PTPRD: variants seen among roughly 807,000 people sequenced by gnomAD.
PTPRD encodes the protein receptor-type tyrosine-protein phosphatase delta.
In PTPRD, 34 loss-of-function variants were observed where a neutral mutation model predicts 214.5. The observed-to-expected ratio is 0.16, with a 90% CI of 0.12 to 0.21. The LOEUF is 0.21. Among genes scored for constraint, PTPRD ranks in the 10% least tolerant of loss-of-function variants. PTPRD has a pLI of 1.00. For synonymous variants in PTPRD, 1,128 were observed against 845.7 expected (o/e 1.33, Z -5.79); for missense variants, 2,545 against 2,398.7 (o/e 1.06, Z -1.27).
chr9:8,556,007 G>T (rs1246769880), intron 14 of PTPRD, among the ~76,000 whole-genome samples: 1 of 152,162 alleles, frequency 6.6e-6, no homozygotes. Flanking sequence ...TGTAAAAAAT[G>T]TGTCTTGGCG....
chr9:10,362,406 C>T (rs966877011), intron 2 of PTPRD, among the ~76,000 whole-genome samples: 11 of 150,848 alleles, frequency 7.3e-5, no homozygotes, highest in Non-Finnish European at 1.6e-4. Context: ...AGTCTGGCTC[C>T]AGTATATCAA....
intron 12 of PTPRD, among the ~76,000 whole-genome samples, chr9:8,694,202 T>G (rs959801394): frequency 2.0e-5 from 3 of 152,144 alleles, no homozygotes; most frequent in Admixed American, 6.5e-5. Context: ...AAATAAATAA[T>G]TTTCTGGGAA....
chr9:10,279,117 C>A (rs185064396), intron 3 of PTPRD, among the ~76,000 whole-genome samples: 1 of 152,144 alleles, frequency 6.6e-6, no homozygotes, highest in African/African-American at 2.4e-5. Flanking sequence ...CCTCAATCCT[C>A]ACTTCTCTTT....
chr9:10,310,097 C>T (rs1024807699), intron 3 of PTPRD, among the ~76,000 whole-genome samples: 1 of 152,076 alleles, frequency 6.6e-6, no homozygotes, highest in Non-Finnish European at 1.5e-5. Flanking sequence ...CAATTACTCT[C>T]TTTTTGGACA....
intron 12 of PTPRD, among the ~76,000 whole-genome samples, chr9:8,710,545 G>T (rs1409203086): frequency 6.6e-6 from 1 of 152,126 alleles, no homozygotes; most frequent in Non-Finnish European, 1.5e-5. Context: ...GAGCCCAACA[G>T]GTCGAGGCTG....
chr9:9,583,889 T>G (rs1195451396), intron 7 of PTPRD, among the ~76,000 whole-genome samples: 1 of 152,064 alleles, frequency 6.6e-6, no homozygotes, highest in Non-Finnish European at 1.5e-5. Flanking sequence ...CTTTCTATCT[T>G]ACTCGCCATG....
At chr9:9,337,016 T>C (rs2044783269) in intron 9 of PTPRD, among the ~76,000 whole-genome samples, 1 of 152,114 alleles carries the variant, frequency 6.6e-6, no homozygotes, top group African/African-American at 2.4e-5. Flanking sequence ...ATTTAAAAAT[T>C]TTTAAAAGCA....
intron 10 of PTPRD, among the ~76,000 whole-genome samples, chr9:9,039,981 A>T (rs1247573408): frequency 1.2e-4 from 18 of 149,374 alleles, no homozygotes; most frequent in Admixed American, 1.3e-4. Context: ...CTTCCTGTGC[A>T]TTTTTTTTTT....
chr9:8,675,051 T>C (rs973834153), intron 12 of PTPRD, among the ~76,000 whole-genome samples: 5 of 152,162 alleles, frequency 3.3e-5, no homozygotes, highest in Non-Finnish European at 7.3e-5. Flanking sequence ...TAAATACATG[T>C]CAACATCCAC....
intron 27 of PTPRD, among the ~76,000 whole-genome samples, chr9:8,489,426 G>A (rs2097103704): frequency 6.6e-6 from 1 of 152,140 alleles, no homozygotes; most frequent in South Asian, 2.1e-4. Context: ...ACCCACAACA[G>A]TCATTCCTTC....
intron 3 of PTPRD, among the ~76,000 whole-genome samples, chr9:10,250,953 C>T (rs1203671135): frequency 6.6e-6 from 1 of 151,814 alleles, no homozygotes; most frequent in Non-Finnish European, 1.5e-5. Flanking sequence ...ATATGCCATA[C>T]CAAAATTCAG....
At chr9:8,468,046 T>C (rs2134657660) in intron 31 of PTPRD, among the ~76,000 whole-genome samples, 1 of 152,140 alleles carries the variant, frequency 6.6e-6, no homozygotes, top group South Asian at 2.1e-4. Flanking sequence ...ATAGTCGCAA[T>C]TCATCCATAT....
At chr9:9,630,494 T>C (rs1466413184) in intron 7 of PTPRD, among the ~76,000 whole-genome samples, 3 of 152,190 alleles carry the variant, frequency 2.0e-5, no homozygotes, top group Non-Finnish European at 4.4e-5. Context: ...GGAAAGGAGA[T>C]AACAATTGAC....
At chr9:10,414,915 C>G (rs780252299) in intron 2 of PTPRD, among the ~76,000 whole-genome samples, 2 of 151,526 alleles carry the variant, frequency 1.3e-5, no homozygotes, top group Non-Finnish European at 2.9e-5. Context: ...AAAACAGATA[C>G]TGGGGTCTAC....
At chr9:10,191,794 G>C (rs2099364719) in intron 3 of PTPRD, among the ~76,000 whole-genome samples, 1 of 152,088 alleles carries the variant, frequency 6.6e-6, no homozygotes, top group Non-Finnish European at 1.5e-5. Flanking sequence ...AGCAGTAGTA[G>C]GAAGCATTTA....
At chr9:9,072,848 T>C (rs1484478110) in intron 10 of PTPRD, among the ~76,000 whole-genome samples, 1 of 152,202 alleles carries the variant, frequency 6.6e-6, no homozygotes, top group Non-Finnish European at 1.5e-5. Flanking sequence ...CCATATTGAT[T>C]TCACACATAG....
chr9:9,167,534 C>T (rs1161533115), intron 10 of PTPRD, among the ~76,000 whole-genome samples: 1 of 151,958 alleles, frequency 6.6e-6, no homozygotes, highest in Non-Finnish European at 1.5e-5. Context: ...GTGGGTGGAT[C>T]ACCTGAGATC....
At chr9:9,617,190 G>C (rs1247792975) in intron 7 of PTPRD, among the ~76,000 whole-genome samples, 3 of 152,110 alleles carry the variant, frequency 2.0e-5, no homozygotes, top group Non-Finnish European at 4.4e-5. Flanking sequence ...GGAAATCTTA[G>C]AAATATATAT....
intron 8 of PTPRD, among the ~76,000 whole-genome samples, chr9:9,491,274 A>C (rs1365758386): frequency 6.6e-6 from 1 of 151,968 alleles, no homozygotes; most frequent in Non-Finnish European, 1.5e-5. Flanking sequence ...TTTTGCACCT[A>C]ATAACAGACC....
Sources: gnomAD v4.1 joint callset for allele counts (sites outside exome capture counted in the v4.1 genomes callset) on GRCh38, gnomAD v4.1.1 for gene constraint, MANE v1.5 for transcripts, NCBI Gene and HGNC (gene_info 2026-07-23, HGNC 2026-07-21) for gene names.